The following SPECC1L variants were observed in gnomAD, a reference collection of about 807,000 sequenced individuals.
The protein encoded by SPECC1L is sperm antigen with calponin homology and coiled-coil domains 1 like, also known as cytospin-A.
A neutral mutation model predicts 116.8 loss-of-function variants in SPECC1L; 40 were observed. The ratio of observed to expected loss-of-function variants is 0.34; its 90% CI spans 0.27 to 0.45. The LOEUF (loss-of-function observed/expected upper bound fraction) is 0.45. Ranked by LOEUF, SPECC1L falls within the 20% of genes least tolerant of loss-of-function variation. The probability of loss-of-function intolerance (pLI) is 1.00; values close to 1 mark genes in which losing one functional copy is unlikely to be tolerated. For synonymous variants in SPECC1L, 504 were observed against 500.6 expected (o/e 1.01, Z -0.09); for missense variants, 1,110 against 1,373.6 (o/e 0.81, Z 3.03).
intron 1 of SPECC1L, among the ~76,000 whole-genome samples, chr22:24,272,157 G>A (rs2048739755): frequency 6.6e-6 from 1 of 152,216 alleles, no homozygotes; most frequent in Admixed American, 6.5e-5. Context: ...GGGGCGGGCG[G>A]ATCACCTGAA....
At chr22:24,320,608 T>C (rs1234135035) in intron 4 of SPECC1L, among the ~76,000 whole-genome samples, 1 of 152,222 alleles carries the variant, frequency 6.6e-6, no homozygotes, top group Non-Finnish European at 1.5e-5. Context: ...AAGGTGATAA[T>C]AGCACCTACC....
chr22:24,332,593 T>C (rs2040960922), intron 8 of SPECC1L, among the ~76,000 whole-genome samples: 1 of 152,226 alleles, frequency 6.6e-6, no homozygotes, highest in East Asian at 1.9e-4. Context: ...GACTTGCTTT[T>C]TTTATATCAA....
At chr22:24,406,119 G>T (rs1163079522) in intron 14 of SPECC1L, among the ~76,000 whole-genome samples, 2 of 152,182 alleles carry the variant, frequency 1.3e-5, no homozygotes, top group Non-Finnish European at 2.9e-5. Context: ...GGGATCATAA[G>T]TTCCAGGGGC....
intron 8 of SPECC1L, among the ~76,000 whole-genome samples, chr22:24,331,273 T>TA (rs1337263932): frequency 6.6e-6 from 1 of 152,226 alleles, no homozygotes; most frequent in Non-Finnish European, 1.5e-5. Context: ...TTTAGAAAAC[T>TA]AACAGTATAT....
At chr22:24,296,003 A>G (rs2049254617) in intron 2 of SPECC1L, among the ~76,000 whole-genome samples, 1 of 152,194 alleles carries the variant, frequency 6.6e-6, no homozygotes, top group Non-Finnish European at 1.5e-5. Flanking sequence ...AGACAAATCT[A>G]GAAGGGGCAG....
intron 8 of SPECC1L, among the ~76,000 whole-genome samples, chr22:24,332,027 G>A (rs895852662): frequency 6.6e-6 from 1 of 152,172 alleles, no homozygotes; most frequent in Non-Finnish European, 1.5e-5. Context: ...AAAGTGCTGT[G>A]ATTAGTTTGA....
chr22:24,345,451 T>G (rs1190060047), intron 10 of SPECC1L, among the ~76,000 whole-genome samples: 2 of 152,196 alleles, frequency 1.3e-5, no homozygotes, highest in Admixed American at 6.5e-5. Flanking sequence ...GTTGATAAAT[T>G]AGGCAACTTA....
intron 14 of SPECC1L, among the ~76,000 whole-genome samples, chr22:24,388,834 A>AT (rs568901832): frequency 2.6e-3 from 392 of 152,072 alleles, no homozygotes; most frequent in South Asian, 4.1e-3. Flanking sequence ...TAGTTGTGTT[A>AT]TTTTTTTTAC....
rs1338661149 is a variant in SPECC1L, at chr22:24,317,078, C to T, written c.307+3612C>T. On this transcript the variant is annotated intron_variant, in intron 4 of 16. Coordinates refer to ENST00000314328, the MANE Select transcript of SPECC1L (RefSeq NM_015330.6). ...CTCCCGGAGGGGGTGGCTGGCCGGG[C>T]GGTGGGGCTGACCCCCCCACCTCCC... is the stretch of plus-strand genomic sequence containing the variant. Among the ~76,000 whole-genome samples the T allele has an allele frequency of 5.3e-5, 6 of 112,242 alleles. No homozygotes were observed. In the South Asian group the frequency reaches 1.5e-3, roughly 28 times the overall value. The allele number at this position is 112,242 out of a possible 152,430, so 73.6% of individuals were successfully genotyped here.
At chr22:24,297,284 C>T (rs28472991) in intron 2 of SPECC1L, among the ~76,000 whole-genome samples, 13 of 148,606 alleles carry the variant, frequency 8.7e-5, no homozygotes, top group South Asian at 2.2e-4. Flanking sequence ...TGTTTAAGGC[C>T]GAACCTATAA....
intron 5 of SPECC1L, among the ~76,000 whole-genome samples, chr22:24,323,410 G>A (rs932234590): frequency 5.3e-5 from 8 of 152,162 alleles, no homozygotes; most frequent in African/African-American, 1.9e-4. Flanking sequence ...GTTTCTCAGA[G>A]GCCTGTGATT....
At chr22:24,361,399 A>T (rs1038297228) in intron 11 of SPECC1L, among the ~76,000 whole-genome samples, 1 of 152,018 alleles carries the variant, frequency 6.6e-6, no homozygotes, top group Admixed American at 6.6e-5. Context: ...AGAAATAAAT[A>T]AATAAATAAA....
intron 8 of SPECC1L, 70 bp from the exon 9 acceptor site, chr22:24,334,340 A>G (rs1312954773): frequency 2.1e-5 from 32 of 1,544,420 alleles, no homozygotes; most frequent in Non-Finnish European, 2.7e-5. Flanking sequence ...AATGCCTTTC[A>G]GCTGGGAGGG....
At chr22:24,312,611 A>G (rs1263294389) in intron 3 of SPECC1L, among the ~76,000 whole-genome samples, 1 of 152,184 alleles carries the variant, frequency 6.6e-6, no homozygotes, top group East Asian at 1.9e-4. Context: ...ACGTTTCTTC[A>G]CTACTTTTTA....
chr22:24,409,621 C>G (rs2042654663), intron 14 of SPECC1L, among the ~76,000 whole-genome samples: 1 of 151,820 alleles, frequency 6.6e-6, no homozygotes, highest in South Asian at 2.1e-4. Flanking sequence ...CCACTGCACT[C>G]CAGCCTGGAG....
At chr22:24,320,282 AAAAAC>A (rs1447740964) in intron 4 of SPECC1L, among the ~76,000 whole-genome samples, 1 of 152,234 alleles carries the variant, frequency 6.6e-6, no homozygotes, top group Non-Finnish European at 1.5e-5. Flanking sequence ...CCATCTCAAA[AAAAAC>A]CAAAAAAACG....
In SPECC1L at chr22:24,412,451, G is replaced by C. The variant is rs562165059; in HGVS notation, c.3205-197G>C. ...GTTGGTGGGTCACTGCAGCAGGTCA[G>C]GAGGGGAGGGTGGCCGGGCCTAGTG... On this transcript the variant is annotated intron_variant, in intron 15 of 16. Coordinates refer to ENST00000314328, the MANE Select transcript of SPECC1L (RefSeq NM_015330.6). The C allele has an allele frequency of 6.3e-4, 412 of 657,490 alleles. 3 individuals are homozygous for C. In the South Asian group the frequency reaches 6.4e-3, roughly 10 times the overall value. 40.7% of individuals were successfully genotyped at this position (657,490 alleles called of 1,614,324 possible).
rs190451042 is a variant in SPECC1L, at chr22:24,408,983, G to A, written c.3088-2605G>A. Among the ~76,000 whole-genome samples the A allele has an allele frequency of 1.4e-3, 217 of 152,330 alleles. 5 individuals are homozygous for A. The highest frequency in any genetic ancestry group is 3.1e-4 in the Non-Finnish European group (21 of 68,020). On this transcript the variant is annotated intron_variant, in intron 14 of 16. Transcript: ENST00000314328. ...GCTTTACTTGGGTCCTTGCTGGTTG[G>A]ACACATCCTTGCAGCTCTGAGCCTG... is the stretch of plus-strand genomic sequence containing the variant.
intron 11 of SPECC1L, among the ~76,000 whole-genome samples, chr22:24,347,400 T>C (rs946922373): frequency 1.3e-5 from 2 of 152,188 alleles, no homozygotes; most frequent in East Asian, 3.9e-4. Flanking sequence ...TAATAGAGAG[T>C]GTACACCATT....
Sources: gnomAD v4.1 joint callset for allele counts (sites outside exome capture counted in the v4.1 genomes callset) on GRCh38, gnomAD v4.1.1 for gene constraint, MANE v1.5 for transcripts, NCBI Gene and HGNC (gene_info 2026-07-23, HGNC 2026-07-21) for gene names.